The following VPS13B variants were observed in gnomAD, a reference collection of about 807,000 sequenced individuals.
VPS13B encodes the protein vacuolar protein sorting 13 homolog B.
Under a neutral mutation model 426.4 loss-of-function variants are expected in VPS13B, and 285 were observed. The observed-to-expected ratio is 0.67, with a 90% CI of 0.61 to 0.74. The LOEUF is 0.74. Among genes scored for constraint, VPS13B ranks in the 30% least tolerant of loss-of-function variants. The pLI, the probability that VPS13B is intolerant of heterozygous loss-of-function variation, is 0.00. For missense variants in VPS13B, 4,537 were observed against 4,782.6 expected, an observed-to-expected ratio of 0.95 and a Z score of 1.51; for synonymous variants, 1,676 against 1,676.4, an observed-to-expected ratio of 1.00 and a Z score of 0.01.
chr8:99,285,316 G>A (rs918960620), intron 19 of VPS13B, among the ~76,000 whole-genome samples: 6 of 152,130 alleles, frequency 3.9e-5, no homozygotes, highest in African/African-American at 1.2e-4. Flanking sequence ...ATGCCAGAGG[G>A]AGAAATCCCT....
intron 36 of VPS13B, among the ~76,000 whole-genome samples, chr8:99,701,416 C>T (rs1483554408): frequency 5.9e-5 from 9 of 152,038 alleles, no homozygotes; most frequent in African/African-American, 1.7e-4. Context: ...CTTTTTTCAT[C>T]CTCATTGCTT....
intron 3 of VPS13B, among the ~76,000 whole-genome samples, chr8:99,046,380 G>A (rs1269835248): frequency 6.6e-6 from 1 of 151,894 alleles, no homozygotes; most frequent in Non-Finnish European, 1.5e-5. Flanking sequence ...ACTGATTTGT[G>A]TACATTAATT....
intron 51 of VPS13B, among the ~76,000 whole-genome samples, chr8:99,830,879 C>T (rs1323051587): frequency 4.6e-5 from 7 of 152,006 alleles, no homozygotes; most frequent in African/African-American, 1.2e-4. Flanking sequence ...TTGCGCTTCC[C>T]GGGTGAGGCG....
chr8:99,593,684 A>G (rs1405553051), intron 33 of VPS13B, among the ~76,000 whole-genome samples: 2 of 151,892 alleles, frequency 1.3e-5, no homozygotes, highest in East Asian at 1.9e-4. Flanking sequence ...TAGACTGGAT[A>G]AAGAAAATGT....
chr8:99,786,410 C>T (rs534258288), intron 43 of VPS13B, among the ~76,000 whole-genome samples: 14 of 152,252 alleles, frequency 9.2e-5, no homozygotes, highest in African/African-American at 3.4e-4. Flanking sequence ...TACAGTGTCA[C>T]TTCAATGTTG....
chr8:99,563,108 C>T (rs542658916), intron 31 of VPS13B, among the ~76,000 whole-genome samples: 256 of 152,182 alleles, frequency 1.7e-3, no homozygotes, highest in Middle Eastern at 3.4e-3. Flanking sequence ...GGCTGCATTG[C>T]GCTATGATCA....
chr8:99,241,870 C>T (rs891453161), intron 17 of VPS13B, among the ~76,000 whole-genome samples: 4 of 152,072 alleles, frequency 2.6e-5, no homozygotes, highest in African/African-American at 9.7e-5. Context: ...TAAGTGTAAA[C>T]ATAGATTAGA....
At chr8:99,567,908 A>G (rs1426787699) in intron 31 of VPS13B, among the ~76,000 whole-genome samples, 2 of 152,222 alleles carry the variant, frequency 1.3e-5, no homozygotes, top group Non-Finnish European at 2.9e-5. Context: ...TGCTATGAAA[A>G]TAATATAACT....
At chr8:99,535,551 A>G (rs184827719) in intron 30 of VPS13B, among the ~76,000 whole-genome samples, 105 of 152,352 alleles carry the variant, frequency 6.9e-4, no homozygotes, top group Middle Eastern at 3.4e-3. Context: ...AAATACAAAC[A>G]TGATCCTAAA....
chr8:99,180,076 C>T (rs1812864363), intron 16 of VPS13B, among the ~76,000 whole-genome samples: 1 of 152,118 alleles, frequency 6.6e-6, no homozygotes, highest in African/African-American at 2.4e-5. Flanking sequence ...CACTTCATCT[C>T]CTTTTTTTCC....
intron 8 of VPS13B, among the ~76,000 whole-genome samples, chr8:99,123,780 G>A (rs1848061798): frequency 6.6e-6 from 1 of 152,100 alleles, no homozygotes; most frequent in Admixed American, 6.6e-5. Context: ...ATCCAAGGAT[G>A]GCTCTTAAAC....
intron 19 of VPS13B, among the ~76,000 whole-genome samples, chr8:99,304,299 C>G (rs902475900): frequency 6.6e-6 from 1 of 151,972 alleles, no homozygotes; most frequent in Non-Finnish European, 1.5e-5. Flanking sequence ...TCTGTTTTAT[C>G]AGAAAGCACT....
chr8:99,503,670 A>G (rs1370056483), intron 27 of VPS13B, among the ~76,000 whole-genome samples: 6 of 151,668 alleles, frequency 4.0e-5, no homozygotes, highest in Non-Finnish European at 7.4e-5. Flanking sequence ...ATAAGAAGCA[A>G]CTCCTCATCC....
At chr8:99,375,197 T>C (rs1813415833) in intron 19 of VPS13B, among the ~76,000 whole-genome samples, 1 of 152,216 alleles carries the variant, frequency 6.6e-6, no homozygotes, top group African/African-American at 2.4e-5. Flanking sequence ...AACTGGGTCT[T>C]TTGACATTTT....
chr8:99,868,094 G>A (rs2130962226), intron 58 of VPS13B, 195 bp from the exon 59 acceptor site: 1 of 642,112 alleles, frequency 1.6e-6, no homozygotes, highest in African/African-American at 1.8e-5. Flanking sequence ...TCTGAACATT[G>A]TATTTTGATG....
At chr8:99,394,234 T>A (rs1403946541) in intron 21 of VPS13B, among the ~76,000 whole-genome samples, 1 of 152,224 alleles carries the variant, frequency 6.6e-6, no homozygotes, top group Non-Finnish European at 1.5e-5. Flanking sequence ...TTTTTAAATT[T>A]ATATCATCAC....
chr8:99,249,173 G>A lies in VPS13B; in HGVS notation c.2516-25025G>A, dbSNP rs117545945. Among the ~76,000 whole-genome samples, 53 of 151,976 alleles carry A rather than the reference G, an allele frequency of 3.5e-4. 1 individual carries two copies. The East Asian group carries it at 0.01, about 29-fold the overall frequency. Reference sequence around the variant, plus strand: ...ATGTGACCTTTTGGTTTTCGCCACAGATCTAGCCAAGTTGTTGTGTGTATC... The same window carrying A: ...ATGTGACCTTTTGGTTTTCGCCACAAATCTAGCCAAGTTGTTGTGTGTATC... On this transcript the variant is annotated intron_variant, in intron 17 of 61. Transcript: ENST00000357162.
chr8:99,696,826 G>A (rs1346605823), intron 35 of VPS13B: 7 of 1,238,772 alleles, frequency 5.7e-6, no homozygotes, highest in East Asian at 2.3e-5. Context: ...TGTCACGGCC[G>A]CAGCTGGTGG....
At chr8:99,866,638 A>G (rs34830464) in intron 58 of VPS13B, among the ~76,000 whole-genome samples, 38,055 of 152,274 alleles carry the variant, frequency 0.25, 5,986 homozygotes, top group African/African-American at 0.45. Context: ...TGATACCTGC[A>G]TGTGCTGGAG....
Sources: gnomAD v4.1 joint callset for allele counts (sites outside exome capture counted in the v4.1 genomes callset) on GRCh38, gnomAD v4.1.1 for gene constraint, MANE v1.5 for transcripts, NCBI Gene and HGNC (gene_info 2026-07-23, HGNC 2026-07-21) for gene names.